Variants in NPHP4 observed in about 807,000 individuals in gnomAD.
NPHP4 encodes nephrocystin-4.
NPHP4 carries 151 observed loss-of-function variants against 155.8 expected under a neutral mutation model. That is an observed-to-expected ratio of 0.97 (90% CI 0.85 to 1.11). NPHP4 has a LOEUF of 1.11. Among genes scored for constraint, NPHP4 ranks in the 50% least tolerant of loss-of-function variants. The pLI is 0.00. For missense variants in NPHP4, 1,956 were observed against 1,925.7 expected (o/e 1.02, Z -0.29); for synonymous variants, 845 against 816.8 (o/e 1.03, Z -0.59).
At chr1:5,899,394 T>C (rs1298530792) in intron 16 of NPHP4, among the ~76,000 whole-genome samples, 2 of 151,588 alleles carry the variant, frequency 1.3e-5, no homozygotes, top group African/African-American at 2.4e-5. Flanking sequence ...GCAAAAGAAG[T>C]GGGATTCAAA....
At chr1:5,901,693 C>T (rs1644690367) in intron 16 of NPHP4, among the ~76,000 whole-genome samples, 1 of 152,300 alleles carries the variant, frequency 6.6e-6, no homozygotes, top group African/African-American at 2.4e-5. Context: ...AACTTCGTTG[C>T]AGAGCCTCTG....
In NPHP4 at chr1:5,898,802, C is replaced by T. The variant is rs189204323; in HGVS notation, c.2143+5815G>A. 5.3e-5 allele frequency among the ~76,000 whole-genome samples: 8 copies of T among 152,164 alleles called. No homozygotes were observed. In the East Asian group the frequency reaches 1.4e-3, roughly 26 times the overall value. ...TTACATGTCCTATTAACTCTGGTGA[C>T]GGGATACGGAAAGAATGCCTATCAA... On this transcript the variant is annotated intron_variant, in intron 16 of 29. Transcript: ENST00000378156.
intron 29 of NPHP4, 199 bp from the exon 30 acceptor site, chr1:5,863,604 A>G: frequency 1.5e-6 from 1 of 652,364 alleles, no homozygotes; most frequent in Non-Finnish European, 2.7e-6. Context: ...GTGACGCGTT[A>G]CTTGGACTCG....
chr1:5,868,462 G>A (rs961905550), intron 23 of NPHP4: 6 of 232,418 alleles, frequency 2.6e-5, no homozygotes, highest in Admixed American at 1.6e-4. Context: ...TGGGACAACT[G>A]ATAAAAAGGC....
rs533587230 is a variant in NPHP4, at chr1:5,935,249, A to G, written c.1120-1920T>C. Among the ~76,000 whole-genome samples the G allele has an allele frequency of 5.9e-5, 9 of 152,306 alleles. 1 individual carries two copies. Among genetic ancestry groups the G allele is most frequent in the African/African-American group, 1.9e-4 (8 of 41,558 alleles). On this transcript the variant is annotated intron_variant, in intron 9 of 29. Coordinates refer to ENST00000378156, the MANE Select transcript of NPHP4 (RefSeq NM_015102.5). ...TCTTTTCCCATCACAATCGGACTTC[A>G]AACCATCCACTTCTGCAGAGCCCTT...
chr1:5,930,534 A>C (rs940557088), intron 10 of NPHP4, among the ~76,000 whole-genome samples: 3 of 152,182 alleles, frequency 2.0e-5, no homozygotes, highest in Admixed American at 1.3e-4. Context: ...TTTACTCTTT[A>C]CTTTATGGAT....
At chr1:5,876,958 C>A in intron 20 of NPHP4, 135 bp downstream of exon 20, 1 of 623,800 alleles carries the variant, frequency 1.6e-6, no homozygotes, top group Non-Finnish European at 2.4e-6. Flanking sequence ...TGAAAAAGTC[C>A]GATTTTCTTA....
At chr1:5,945,982 TAGAG>T (rs201883015) in intron 9 of NPHP4, among the ~76,000 whole-genome samples, 4 of 151,850 alleles carry the variant, frequency 2.6e-5, no homozygotes, top group Admixed American at 6.6e-5. Context: ...AGTTGAGAGG[TAGAG>T]AGAGAGAGAC....
At chr1:5,972,870 T>C (rs969182481) in intron 3 of NPHP4, among the ~76,000 whole-genome samples, 1 of 152,020 alleles carries the variant, frequency 6.6e-6, no homozygotes, top group Non-Finnish European at 1.5e-5. Context: ...ACCTAATTTG[T>C]AGGGTTTTTT....
intron 18 of NPHP4, among the ~76,000 whole-genome samples, chr1:5,885,008 A>AAC: frequency 7.9e-6 from 1 of 127,090 alleles, no homozygotes; most frequent in South Asian, 2.7e-4. Context: ...CTCCCAGCCG[A>AAC]GCCCATCCTA....
At position 5,874,677 on chromosome 1, in the gene NPHP4, G is replaced by A; in HGVS notation, c.3045-20C>T. 1.2e-6 allele frequency: 2 copies of A among 1,608,460 alleles called. No homozygotes were observed. Among genetic ancestry groups the A allele is most frequent in the Non-Finnish European group, 1.7e-6 (2 of 1,178,352 alleles). ...ATGACGCTGGGGGAGGCAGTGTCCA[G>A]GCGTCAGGGCAGTTCTTCCCAGGAG... On this transcript the variant is annotated intron_variant, in intron 21 of 29. Coordinates refer to ENST00000378156, the MANE Select transcript of NPHP4 (RefSeq NM_015102.5).
intron 3 of NPHP4, among the ~76,000 whole-genome samples, chr1:5,970,504 T>C (rs922565612): frequency 2.6e-5 from 4 of 151,790 alleles, no homozygotes; most frequent in Non-Finnish European, 5.9e-5. Flanking sequence ...CTTTGTCTAA[T>C]AAAAAGAAAG....
At chr1:5,985,052 C>A (rs544287170) in intron 2 of NPHP4, among the ~76,000 whole-genome samples, 2 of 152,350 alleles carry the variant, frequency 1.3e-5, no homozygotes, top group East Asian at 3.9e-4. Flanking sequence ...ACAAAAGCAG[C>A]AGCCACCACA....
At chr1:5,880,583 G>A (rs929555863) in intron 18 of NPHP4, 2 of 321,670 alleles carry the variant, frequency 6.2e-6, no homozygotes, top group Non-Finnish European at 1.2e-5. Flanking sequence ...CTCTAACCTC[G>A]GCCTCTCGAT....
chr1:5,981,697 G>A (rs560502852), intron 2 of NPHP4, among the ~76,000 whole-genome samples: 5 of 152,206 alleles, frequency 3.3e-5, no homozygotes, highest in Admixed American at 3.3e-4. Flanking sequence ...TCTATTTATA[G>A]AATTTATATG....
At chr1:5,938,232 T>G (rs1646646233) in intron 9 of NPHP4, among the ~76,000 whole-genome samples, 1 of 152,210 alleles carries the variant, frequency 6.6e-6, no homozygotes, top group Admixed American at 6.5e-5. Context: ...CTGGCCGGCA[T>G]TCTCCCTGAA....
At chr1:5,956,167 C>T (rs979963578) in intron 6 of NPHP4, among the ~76,000 whole-genome samples, 2 of 151,936 alleles carry the variant, frequency 1.3e-5, no homozygotes, top group Admixed American at 1.3e-4. Context: ...GCCATGGGTG[C>T]CCCATCTCAA....
At chr1:5,990,003 G>A (rs1236709136) in intron 1 of NPHP4, among the ~76,000 whole-genome samples, 4 of 152,206 alleles carry the variant, frequency 2.6e-5, no homozygotes, top group African/African-American at 9.6e-5. Context: ...GAGGGGCCAC[G>A]GAGGCCGAGG....
intron 11 of NPHP4, among the ~76,000 whole-genome samples, chr1:5,919,501 C>A (rs1470950088): frequency 6.6e-6 from 1 of 152,154 alleles, no homozygotes; most frequent in African/African-American, 2.4e-5. Flanking sequence ...GGACAGGAGC[C>A]TAACCAAGTG....
Sources: gnomAD v4.1 joint callset for allele counts (sites outside exome capture counted in the v4.1 genomes callset) on GRCh38, gnomAD v4.1.1 for gene constraint, MANE v1.5 for transcripts, NCBI Gene and HGNC (gene_info 2026-07-23, HGNC 2026-07-21) for gene names.